The following VIT variants were observed in gnomAD, a reference collection of about 807,000 sequenced individuals.
VIT encodes vitrin.
In VIT, 99 loss-of-function variants were observed where a neutral mutation model predicts 78.0. That is an observed-to-expected ratio of 1.27 (90% CI 1.08 to 1.50). The LOEUF is 1.50. VIT is among the 40% of genes most tolerant of loss of function. VIT has a pLI of 0.00. For missense variants in VIT, 1,126 were observed against 875.3 expected, an observed-to-expected ratio of 1.29 and a Z score of -3.61; for synonymous variants, 374 against 334.3, an observed-to-expected ratio of 1.12 and a Z score of -1.29.
intron 4 of VIT, among the ~76,000 whole-genome samples, chr2:36,748,107 G>C (rs914035898): frequency 1.3e-5 from 2 of 152,148 alleles, no homozygotes; most frequent in African/African-American, 4.8e-5. Context: ...TAGCCTGATG[G>C]GGTTCCCTTT....
chr2:36,788,501 G>C (rs1665262348), intron 12 of VIT, among the ~76,000 whole-genome samples: 1 of 152,152 alleles, frequency 6.6e-6, no homozygotes, highest in Non-Finnish European at 1.5e-5. Flanking sequence ...CTTGTATGTA[G>C]TCACACTCAA....
chr2:36,698,461 C>G (rs1395879284), intron 1 of VIT, among the ~76,000 whole-genome samples: 1 of 152,102 alleles, frequency 6.6e-6, no homozygotes, highest in Non-Finnish European at 1.5e-5. Flanking sequence ...GCCAGGAGTC[C>G]TAAATTATAG....
intron 2 of VIT, among the ~76,000 whole-genome samples, chr2:36,728,618 C>G (rs1447708902): frequency 1.2e-5 from 1 of 82,880 alleles, no homozygotes; most frequent in Non-Finnish European, 2.9e-5. Context: ...TCGAGACCAT[C>G]CCGGCTAAAA....
chr2:36,767,328 G>A, intron 7 of VIT, 43 bp downstream of exon 7: 1 of 1,442,916 alleles, frequency 6.9e-7, no homozygotes. Context: ...AGGGAAATGG[G>A]AAATTGGGCT....
chr2:36,710,222 T>G (rs558548985), intron 1 of VIT, among the ~76,000 whole-genome samples: 2 of 152,334 alleles, frequency 1.3e-5, no homozygotes, highest in African/African-American at 4.8e-5. Flanking sequence ...ATTATTTCAT[T>G]TTTGTATTTT....
intron 3 of VIT, among the ~76,000 whole-genome samples, chr2:36,740,583 A>T (rs1017086054): frequency 1.3e-5 from 2 of 152,204 alleles, no homozygotes; most frequent in Admixed American, 1.3e-4. Flanking sequence ...GTGCATGAAC[A>T]CACGTGCCTG....
chr2:36,723,397 G>A (rs1056554597), intron 2 of VIT, among the ~76,000 whole-genome samples: 1 of 152,104 alleles, frequency 6.6e-6, no homozygotes, highest in East Asian at 1.9e-4. Flanking sequence ...TTGCTTTCCA[G>A]AATGGCCCTG....
At chr2:36,701,483 A>G (rs1665054194) in intron 1 of VIT, among the ~76,000 whole-genome samples, 1 of 152,224 alleles carries the variant, frequency 6.6e-6, no homozygotes, top group African/African-American at 2.4e-5. Flanking sequence ...ACTCTAGTAA[A>G]CATTTCTCAA....
intron 1 of VIT, among the ~76,000 whole-genome samples, chr2:36,707,677 A>G (rs1573112616): frequency 1.3e-5 from 2 of 152,130 alleles, no homozygotes; most frequent in East Asian, 3.9e-4. Context: ...GTTAGGAAGG[A>G]GGAAGGGGAA....
intron 3 of VIT, among the ~76,000 whole-genome samples, chr2:36,737,611 T>C (rs1667586496): frequency 2.0e-5 from 3 of 152,232 alleles, no homozygotes; most frequent in Admixed American, 2.0e-4. Context: ...GAAAGATTTT[T>C]GCAATCAACC....
intron 3 of VIT, among the ~76,000 whole-genome samples, chr2:36,733,555 G>A (rs1023167385): frequency 1.5e-5 from 2 of 134,948 alleles, no homozygotes; most frequent in Admixed American, 7.5e-5. Context: ...AGCAATATTT[G>A]AAGATATGAA....
intron 3 of VIT, among the ~76,000 whole-genome samples, chr2:36,735,274 C>G (rs17492833): frequency 0.17 from 25,501 of 152,242 alleles, 2,772 homozygotes; most frequent in Non-Finnish European, 0.24. Flanking sequence ...CAGCTCTACT[C>G]CACAAACCCA....
intron 3 of VIT, among the ~76,000 whole-genome samples, chr2:36,730,677 C>G (rs1013930659): frequency 9.2e-5 from 14 of 152,240 alleles, no homozygotes; most frequent in African/African-American, 3.4e-4. Context: ...TCAGCAGTTC[C>G]TGAGCTCTTG....
chr2:36,703,614 G>A (rs376732975), intron 1 of VIT, among the ~76,000 whole-genome samples: 1 of 152,198 alleles, frequency 6.6e-6, no homozygotes, highest in African/African-American at 2.4e-5. Context: ...AGACAGAGTT[G>A]TGAGTGAGTT....
chr2:36,778,167 A>G (rs1469106614), intron 9 of VIT, among the ~76,000 whole-genome samples: 1 of 152,246 alleles, frequency 6.6e-6, no homozygotes, highest in Non-Finnish European at 1.5e-5. Context: ...TGTCCTGTGC[A>G]TTAGAGCTAC....
intron 12 of VIT, among the ~76,000 whole-genome samples, chr2:36,788,758 C>T (rs547414700): frequency 6.6e-6 from 1 of 152,212 alleles, no homozygotes; most frequent in South Asian, 2.1e-4. Flanking sequence ...AGGCTCAAAG[C>T]TTGATGTGTT....
intron 3 of VIT, among the ~76,000 whole-genome samples, chr2:36,729,707 T>A (rs1265026494): frequency 6.6e-6 from 1 of 152,198 alleles, no homozygotes; most frequent in Admixed American, 6.5e-5. Context: ...GATATGTAGT[T>A]CCCCTGCACT....
chr2:36,711,564 C>T (rs1665799436), intron 1 of VIT, among the ~76,000 whole-genome samples: 1 of 152,160 alleles, frequency 6.6e-6, no homozygotes, highest in Non-Finnish European at 1.5e-5. Flanking sequence ...ATTGTGCATA[C>T]TCCACATCCT....
intron 3 of VIT, among the ~76,000 whole-genome samples, chr2:36,733,565 A>G (rs926289682): frequency 7.9e-6 from 1 of 126,434 alleles, no homozygotes; most frequent in African/African-American, 2.6e-5. Context: ...GAAGATATGA[A>G]GAGAGAAGAG....
Sources: allele counts gnomAD v4.1 joint callset (sites outside exome capture counted in the v4.1 genomes callset), GRCh38; gene constraint gnomAD v4.1.1; transcripts MANE v1.5; gene names NCBI Gene and HGNC (gene_info 2026-07-23, HGNC 2026-07-21).